The following TGFB3 variants were observed in gnomAD, a reference collection of about 807,000 sequenced individuals.
The protein encoded by TGFB3 is transforming growth factor beta-3 proprotein.
A neutral mutation model predicts 40.1 loss-of-function variants in TGFB3; 5 were observed. The observed-to-expected ratio is 0.12, with a 90% CI of 0.07 to 0.26. The LOEUF (loss-of-function observed/expected upper bound fraction) is 0.26. Among genes scored for constraint, TGFB3 ranks in the 10% least tolerant of loss-of-function variants. The pLI is 1.00. For synonymous variants in TGFB3, 184 were observed against 205.6 expected (o/e 0.89, Z 0.90); for missense variants, 373 against 530.1 (o/e 0.70, Z 2.91).
intron 5 of TGFB3, among the ~76,000 whole-genome samples, chr14:75,962,196 A>G (rs922653768): frequency 6.6e-6 from 1 of 152,224 alleles, no homozygotes; most frequent in Non-Finnish European, 1.5e-5. Flanking sequence ...CTGCTGCTAC[A>G]GGCCTCTTGT....
In TGFB3 at chr14:75,963,426, A is replaced by T. The variant is rs778672048; in HGVS notation, c.816T>A (p.Asp272Glu). 2 of 1,610,540 alleles carry T rather than the reference A, an allele frequency of 1.2e-6. No homozygotes were observed. Among genetic ancestry groups the T allele is most frequent in the African/African-American group, 2.7e-5 (2 of 73,760 alleles). ...GDLGRLKKQK[D>E]HHNPHLILMM... ...TGAGGATTAGATGAGGGTTGTGGTGATCCTTCTGCTTCTTGAGGCGCCCCA... is the reference window on the plus strand; with the variant it reads ...TGAGGATTAGATGAGGGTTGTGGTGTTCCTTCTGCTTCTTGAGGCGCCCCA... The change falls in exon 5 of 7, where the codon GAT (aspartate) becomes GAA (glutamate). Residue 272 changes from aspartate (D) to glutamate (E), a missense_variant. Transcript: ENST00000238682.
intron 6 of TGFB3, 147 bp downstream of exon 6, chr14:75,960,775 TG>T: frequency 9.9e-7 from 1 of 1,005,410 alleles, no homozygotes. Context: ...TGAGTCAGGG[TG>T]CCAAGATCAG....
rs71122509 is a variant in TGFB3, at chr14:75,959,931, CTTTTTTTTTTTTTT to C, written c.1081-600_1081-587del. Among the ~76,000 whole-genome samples the C allele has an allele frequency of 4.1e-4, 13 of 32,020 alleles. No homozygotes were observed. The Admixed American group carries it at 6.2e-3, about 15-fold the overall frequency. The allele number at this position is 32,020 out of a possible 152,430, so 21.0% of individuals were successfully genotyped here. ...CTACACTGATAACGAATTATCTTGG[CTTTTTTTTTTTTTT>C]TTTTTTTTTTTTTTTGAGTCAGAGT... On this transcript the variant is annotated intron_variant, in intron 6 of 6. Transcript: ENST00000238682.
In TGFB3 at chr14:75,971,652, T is replaced by G. The variant is rs2035294821; in HGVS notation, c.419A>C (p.Glu140Ala). Residue 140 changes from glutamate (E) to alanine (A), a missense_variant, in exon 2 of 7, where the codon GAG becomes GCG. Coordinates refer to ENST00000238682, the MANE Select transcript of TGFB3 (RefSeq NM_003239.5). The surrounding 1 kb of genome is among the most constrained non-coding windows in gnomAD (Gnocchi z 4.5). ...KVFRFNVSSV[E>A]KNRTNLFRAE... ...TCGGAATAGGTTGGTTCTATTTTTC[T>G]CCACTGAGGACACATTGAAGCGGAA... 6.2e-7 allele frequency: 1 copy of G among 1,614,250 alleles called. No homozygotes were observed. The highest frequency in any genetic ancestry group is 2.2e-5 in the East Asian group (1 of 44,894).
chr14:75,963,023 A>G, intron 5 of TGFB3: 1 of 516,142 alleles, frequency 1.9e-6, no homozygotes, highest in East Asian at 3.6e-5. Flanking sequence ...GCTTTGACCA[A>G]GCCTCTCCAA....
rs753453972 is a variant in TGFB3 at position 75,959,241 on chromosome 14, G to A, written c.1185C>T (p.Thr395=). The A allele has an allele frequency of 1.5e-5, 25 of 1,614,142 alleles. No homozygotes were observed. In the South Asian group the frequency reaches 2.7e-4, roughly 18 times the overall value. ...TGTTGGAGAGCTGCTCCACTTTGGGGGTCCTCCCAACATAGTACAGGATGG... is the reference window on the plus strand; with the variant it reads ...TGTTGGAGAGCTGCTCCACTTTGGGAGTCCTCCCAACATAGTACAGGATGG... ...PLTILYYVGR[T]PKVEQLSNMV... The change falls in exon 7 of 7, where the codon ACC becomes ACT. Residue 395 remains threonine, a synonymous_variant. Transcript: ENST00000238682.
At chr14:75,963,041 T>A in intron 5 of TGFB3, 1 of 550,914 alleles carries the variant, frequency 1.8e-6, no homozygotes, top group East Asian at 3.2e-5. Context: ...CAATCCAAAC[T>A]ATTTTAGCAA....
At chr14:75,959,735 C>T (rs1468460263) in intron 6 of TGFB3, among the ~76,000 whole-genome samples, 2 of 150,868 alleles carry the variant, frequency 1.3e-5, no homozygotes, top group Admixed American at 6.6e-5. Flanking sequence ...AGTGCCACCG[C>T]ACTCCAGCCT....
chr14:75,960,791 T>A, intron 6 of TGFB3, 132 bp downstream of exon 6: 1 of 1,258,372 alleles, frequency 7.9e-7, no homozygotes, highest in Non-Finnish European at 1.1e-6. Context: ...GATCAGAACC[T>A]TCACCAGAGG....
chr14:75,971,600 G>T lies in TGFB3; in HGVS notation c.471C>A (p.Pro157=). The T allele has an allele frequency of 6.2e-7, 1 of 1,614,188 alleles. No individual in the cohort carries two copies. Among genetic ancestry groups the T allele is most frequent in the South Asian group, 1.1e-5 (1 of 91,080 alleles). The change falls in exon 2 of 7, where the codon CCC becomes CCA. Residue 157 remains proline (P), a synonymous_variant. Transcript: ENST00000238682. This position sits in a 1 kb window ranked among gnomAD's most constrained non-coding sequence, Gnocchi z 4.5. ...FRAEFRVLRV[P]NPSSKRNEQR... is the part of the protein sequence containing the mutation. ...GCTCATTCCGCTTAGAGCTGGGGTT[G>T]GGCACCCGCAAGACCCGGAATTCTG...
rs2035383987 is a variant in TGFB3, at chr14:75,978,691, T to C, written c.352+1851A>G. Among the ~76,000 whole-genome samples, 1 of 152,250 alleles carries C rather than the reference T, an allele frequency of 6.6e-6. No individual in the cohort carries two copies. The highest frequency in any genetic ancestry group is 1.5e-5 in the Non-Finnish European group (1 of 68,040). The stretch of plus-strand genomic sequence containing the variant: ...AAGCTGCCCAGCATCTATGGGGCCC[T>C]GCCCGGGCTTTTCCCAAGGACATCT... On this transcript the variant is annotated intron_variant, in intron 1 of 6. Transcript: ENST00000238682. The surrounding 1 kb of genome is among the most constrained non-coding windows in gnomAD (Gnocchi z 5.0).
chr14:75,971,212 C>T lies in TGFB3; in HGVS notation c.560G>A (p.Gly187Asp), dbSNP rs2035286940. Reference protein sequence around the residue: ...DEHIAKQRYIGGKNLPTRGTA... With the variant: ...DEHIAKQRYIDGKNLPTRGTA... ...GCCCCGTGTGGGCAGATTCTTGCCA[C>T]CGATATAGCGCTGTTTGGCAATGTG... is the stretch of plus-strand genomic sequence containing the variant. Residue 187 changes from glycine (G) to aspartate (D), a missense_variant, in exon 3 of 7, where the codon GGT (glycine) becomes GAT (aspartate). Transcript: ENST00000238682. This position sits in a 1 kb window ranked among gnomAD's most constrained non-coding sequence, Gnocchi z 4.5. The T allele has an allele frequency of 6.2e-7, 1 of 1,614,204 alleles. No individual in the cohort carries two copies. The highest frequency in any genetic ancestry group is 8.5e-7 in the Non-Finnish European group (1 of 1,180,040).
rs962792092 is a variant in TGFB3 at position 75,963,070 on chromosome 14, T to G, written c.926+246A>C. 1.7e-5 allele frequency: 10 copies of G among 593,956 alleles called. No homozygotes were observed. The Admixed American group carries it at 2.6e-4, about 15-fold the overall frequency. 36.8% of individuals were successfully genotyped at this position (593,956 alleles called of 1,614,324 possible). A position where few individuals can be genotyped will look rare whatever the true frequency, so the allele number is the denominator to read the frequency against. On this transcript the variant is annotated intron_variant, in intron 5 of 6. Coordinates refer to ENST00000238682, the MANE Select transcript of TGFB3 (RefSeq NM_003239.5). The stretch of plus-strand genomic sequence containing the variant: ...TTAGCAACACTCCTCCTCACAGAGT[T>G]TTCCTCATTTACTTCAGCCAGCTCC...
chr14:75,963,354 C>A lies in TGFB3; in HGVS notation c.888G>T (p.Gln296His). 1 of 1,614,202 alleles carries A rather than the reference C, an allele frequency of 6.2e-7. No individual in the cohort carries two copies. Among genetic ancestry groups the A allele is most frequent in the African/African-American group, 1.3e-5 (1 of 75,054 alleles). ...HRLDNPGQGG[Q>H]RKKRALDTNY... is the part of the protein sequence containing the mutation. The stretch of plus-strand genomic sequence containing the variant: ...TGGTGTCCAAAGCCCGCTTCTTCCT[C>A]TGACCCCCCTGGCCCGGGTTGTCGA... Residue 296 changes from glutamine to histidine, a missense_variant, in exon 5 of 7, where the codon CAG (glutamine) becomes CAT (histidine). Physicochemically the swap from Gln to His is conservative, Grantham distance 24. Coordinates refer to ENST00000238682, the MANE Select transcript of TGFB3 (RefSeq NM_003239.5).
At chr14:75,962,796 A>C (rs917773196) in intron 5 of TGFB3, among the ~76,000 whole-genome samples, 1 of 152,110 alleles carries the variant, frequency 6.6e-6, no homozygotes, top group Non-Finnish European at 1.5e-5. Context: ...GGTCTTTTCT[A>C]TCTCTCTATT....
At chr14:75,977,588 T>A (rs947838898) in intron 1 of TGFB3, among the ~76,000 whole-genome samples, 13 of 151,758 alleles carry the variant, frequency 8.6e-5, no homozygotes, top group Admixed American at 6.6e-4. Context: ...CTTGAGACTC[T>A]TCATTAAATA....
chr14:75,965,856 C>T, intron 3 of TGFB3, 161 bp from the exon 4 acceptor site: 3 of 680,422 alleles, frequency 4.4e-6, no homozygotes. Flanking sequence ...CTCCAGAGCT[C>T]AGAGTGGACC....
chr14:75,970,835 A>C, intron 3 of TGFB3: 2 of 392,524 alleles, frequency 5.1e-6, no homozygotes, highest in South Asian at 4.2e-5. Flanking sequence ...TCAATGCATG[A>C]ATTTCTTCAT....
intron 1 of TGFB3, among the ~76,000 whole-genome samples, chr14:75,973,071 C>T (rs773212587): frequency 6.6e-6 from 1 of 152,246 alleles, no homozygotes; most frequent in African/African-American, 2.4e-5. Flanking sequence ...TTTCTCTGCT[C>T]CTGTACACTT....
Sources: allele counts gnomAD v4.1 joint callset (sites outside exome capture counted in the v4.1 genomes callset), GRCh38; gene constraint gnomAD v4.1.1; non-coding constraint Gnocchi (gnomAD v3.1); transcripts MANE v1.5; gene names NCBI Gene and HGNC (gene_info 2026-07-23, HGNC 2026-07-21).